The following TERB1 variants were observed in gnomAD, a reference collection of about 807,000 sequenced individuals.
TERB1 encodes telomere repeat binding bouquet formation protein 1.
Under a neutral mutation model 92.3 loss-of-function variants are expected in TERB1, and 63 were observed. The ratio of observed to expected loss-of-function variants is 0.68; its 90% confidence interval spans 0.56 to 0.84. The LOEUF is 0.84. TERB1 is among the 40% of genes least tolerant of loss of function. The pLI is 0.00. For missense variants in TERB1, 709 were observed against 843.7 expected (o/e 0.84, Z 1.98); for synonymous variants, 252 against 283.9 (o/e 0.89, Z 1.13).
chr16:66,780,222 TAG>T (rs2018613504), intron 9 of TERB1, among the ~76,000 whole-genome samples: 1 of 152,112 alleles, frequency 6.6e-6, no homozygotes, highest in Admixed American at 6.6e-5. Flanking sequence ...GGCTCCAAAA[TAG>T]ACTTCTTTCC....
At chr16:66,761,036 C>T (rs1352206580) in intron 16 of TERB1, among the ~76,000 whole-genome samples, 6 of 144,052 alleles carry the variant, frequency 4.2e-5, no homozygotes, top group African/African-American at 7.8e-5. Flanking sequence ...CGCTTGAACC[C>T]GCCAGGTGGA....
At chr16:66,780,158 C>T (rs753670581) in intron 9 of TERB1, among the ~76,000 whole-genome samples, 3 of 152,300 alleles carry the variant, frequency 2.0e-5, no homozygotes, top group South Asian at 4.1e-4. Context: ...TGAGCCATGG[C>T]GCCCAGCCCA....
At chr16:66,781,580 C>A (rs899992297) in intron 9 of TERB1, among the ~76,000 whole-genome samples, 1 of 139,428 alleles carries the variant, frequency 7.2e-6, no homozygotes, top group Non-Finnish European at 1.5e-5. Context: ...AGTGCAGTGG[C>A]GCAATCTTGG....
At chr16:66,760,460 A>G (rs1449922833) in intron 16 of TERB1, among the ~76,000 whole-genome samples, 1 of 85,162 alleles carries the variant, frequency 1.2e-5, no homozygotes, top group Non-Finnish European at 2.1e-5. Flanking sequence ...CCATCTCAAA[A>G]AAAAAAAAAA....
intron 11 of TERB1, 49 bp from the exon 12 acceptor site, chr16:66,775,292 A>C: frequency 6.9e-7 from 1 of 1,455,316 alleles, no homozygotes; most frequent in South Asian, 1.2e-5. Context: ...TAAACTATCT[A>C]TATGAGGTCA....
chr16:66,785,860 C>T lies in TERB1; in HGVS notation c.626G>A (p.Trp209Ter). 3 of 1,548,478 alleles carry T rather than the reference C, an allele frequency of 1.9e-6. No homozygotes were observed. Among genetic ancestry groups the T allele is most frequent in the Non-Finnish European group, 2.6e-6 (3 of 1,145,596 alleles). ...CCSLFPHANE[W>*]LKNCTTPEII... ...CTCAGGTGTCGTGCAATTTTTTAGCCATTCATTAGCATGTGGAAAAAGGGA... is the reference window on the plus strand; with the variant it reads ...CTCAGGTGTCGTGCAATTTTTTAGCTATTCATTAGCATGTGGAAAAAGGGA... The change falls in exon 9 of 19, where the codon TGG (tryptophan) becomes TAG (stop). Residue 209 changes from tryptophan to a stop codon, truncating the protein, a stop_gained. Transcript: ENST00000433154. LOFTEE classifies it high-confidence loss of function.
chr16:66,771,360 G>A (rs1471874160), intron 13 of TERB1, among the ~76,000 whole-genome samples: 1 of 152,166 alleles, frequency 6.6e-6, no homozygotes, highest in Non-Finnish European at 1.5e-5. Flanking sequence ...TACATCTTCT[G>A]TGGTGAAACA....
chr16:66,798,812 T>C (rs1959215320), intron 2 of TERB1, among the ~76,000 whole-genome samples: 1 of 152,342 alleles, frequency 6.6e-6, no homozygotes, highest in Non-Finnish European at 1.5e-5. Context: ...TAAATACCTA[T>C]TGAGGCTAGA....
Position 66,754,853 on chromosome 16 carries a change from A to T in TERB1, c.*123T>A. The T allele has an allele frequency of 1.1e-6, 1 of 884,106 alleles. No homozygotes were observed. The highest frequency in any genetic ancestry group is 1.7e-6 in the Non-Finnish European group (1 of 582,270). The allele number at this position is 884,106 out of a possible 1,614,324, so 54.8% of individuals were successfully genotyped here. On this transcript the variant is annotated 3_prime_UTR_variant, in exon 19 of 19. Transcript: ENST00000433154. ...AGTTTCAGCATCACAAAAACTGTTTAATGAAAACTGTATCCTCATTTCCAC... is the reference window on the plus strand; with the variant it reads ...AGTTTCAGCATCACAAAAACTGTTTTATGAAAACTGTATCCTCATTTCCAC...
At position 66,759,293 on chromosome 16, in the gene TERB1, A is replaced by G; in HGVS notation, c.1781-3T>C. 1 of 1,523,308 alleles carries G rather than the reference A, an allele frequency of 6.6e-7. No individual in the cohort carries two copies. The highest frequency in any genetic ancestry group is 1.7e-4 in the Middle Eastern group (1 of 5,858). The allele number at this position is 1,523,308 out of a possible 1,614,324, so 94.4% of individuals were successfully genotyped here. On this transcript the variant is annotated splice_region_variant and splice_polypyrimidine_tract_variant and intron_variant, in intron 16 of 18. Coordinates refer to ENST00000433154, the MANE Select transcript of TERB1 (RefSeq NM_001136505.2). ...GGATTTTTCTACTGCTATGCAACCTAAAAGAAAACAAATTAAAGTTATGTG... is the reference window on the plus strand; with the variant it reads ...GGATTTTTCTACTGCTATGCAACCTGAAAGAAAACAAATTAAAGTTATGTG...
Position 66,797,021 on chromosome 16 carries a change from A to G in TERB1, c.-32-191T>C, listed in dbSNP as rs934594767. 2.6e-5 allele frequency among the ~76,000 whole-genome samples: 4 copies of G among 152,182 alleles called. No homozygotes were observed. In the South Asian group the frequency reaches 8.3e-4, roughly 31 times the overall value. ...GCAACTTATTAGATGCGTGATATCA[A>G]GCAGGTTGATTAAATTCTTTGAGGC... On this transcript the variant is annotated intron_variant, in intron 2 of 18. Coordinates refer to ENST00000433154, the MANE Select transcript of TERB1 (RefSeq NM_001136505.2).
At chr16:66,801,823 G>A (rs1367922372), upstream of TERB1, among the ~76,000 whole-genome samples, 3 of 152,230 alleles carry the variant, frequency 2.0e-5, no homozygotes. Flanking sequence ...CCCAAAATTA[G>A]GGGACTGTGC....
chr16:66,767,013 T>C (rs764894377), intron 16 of TERB1, among the ~76,000 whole-genome samples: 1 of 152,140 alleles, frequency 6.6e-6, no homozygotes, highest in Non-Finnish European at 1.5e-5. Context: ...AAGTAAATCA[T>C]ACATGTAGAA....
chr16:66,794,916 A>ACACACAC (rs1182336404), intron 3 of TERB1, among the ~76,000 whole-genome samples: 11 of 90,972 alleles, frequency 1.2e-4, no homozygotes, highest in African/African-American at 2.9e-4. Flanking sequence ...TCTCAAAAAA[A>ACACACAC]AAAAAAACAC....
chr16:66,797,464 C>T (rs1343437395), intron 2 of TERB1, among the ~76,000 whole-genome samples: 1 of 151,676 alleles, frequency 6.6e-6, no homozygotes, highest in Non-Finnish European at 1.5e-5. Flanking sequence ...CACAAACTCC[C>T]GGTCTCAAGC....
Position 66,779,934 on chromosome 16 carries a change from C to A in TERB1, c.701-919G>T, listed in dbSNP as rs1253447618. Among the ~76,000 whole-genome samples, 3 of 152,278 alleles carry A rather than the reference C, an allele frequency of 2.0e-5. No homozygotes were observed. The East Asian group carries it at 5.8e-4, about 29-fold the overall frequency. On this transcript the variant is annotated intron_variant, in intron 9 of 18. Coordinates refer to ENST00000433154, the MANE Select transcript of TERB1 (RefSeq NM_001136505.2). Reference sequence around the variant, plus strand: ...ATGACCGGTATCTATTTCTTTAAGTCTGAAGTCTTTTGTTCCCTAGTGGAA... The same window carrying A: ...ATGACCGGTATCTATTTCTTTAAGTATGAAGTCTTTTGTTCCCTAGTGGAA...
intron 10 of TERB1, among the ~76,000 whole-genome samples, chr16:66,778,566 C>T (rs553452502): frequency 2.6e-5 from 4 of 152,178 alleles, no homozygotes; most frequent in South Asian, 2.1e-4. Flanking sequence ...TACAGGCACC[C>T]GCCACCACGT....
chr16:66,757,966 A>G (rs2018165068), intron 18 of TERB1, among the ~76,000 whole-genome samples: 1 of 152,104 alleles, frequency 6.6e-6, no homozygotes, highest in African/African-American at 2.4e-5. Flanking sequence ...TGTCTCTTCA[A>G]TTTTTATTGT....
intron 3 of TERB1, among the ~76,000 whole-genome samples, chr16:66,794,516 A>G (rs1054034913): frequency 6.6e-6 from 1 of 152,140 alleles, no homozygotes; most frequent in Non-Finnish European, 1.5e-5. Flanking sequence ...CATAACAACT[A>G]TCATGTTTCA....
Sources: allele counts gnomAD v4.1 joint callset (sites outside exome capture counted in the v4.1 genomes callset), GRCh38; gene constraint gnomAD v4.1.1; transcripts MANE v1.5; gene names NCBI Gene and HGNC (gene_info 2026-07-23, HGNC 2026-07-21).